The following SLC17A3 variants were observed in gnomAD, a reference collection of about 807,000 sequenced individuals.
SLC17A3 encodes the protein sodium-dependent phosphate transport protein 4.
Under a neutral mutation model 60.3 loss-of-function variants are expected in SLC17A3, and 61 were observed. The observed-to-expected ratio is 1.01, with a 90% CI of 0.82 to 1.25. SLC17A3 has a LOEUF of 1.25. Ranked by LOEUF, SLC17A3 falls within the 50% of genes most tolerant of loss-of-function variation. SLC17A3 has a pLI of 0.00. For synonymous variants in SLC17A3, 192 were observed against 208.9 expected (o/e 0.92, Z 0.70); for missense variants, 624 against 594.9 (o/e 1.05, Z -0.51).
chr6:25,849,814 A>G lies in SLC17A3; in HGVS notation c.1262T>C (p.Ile421Thr). 6.2e-7 allele frequency: 1 copy of G among 1,613,854 alleles called. No homozygotes were observed. The highest frequency in any genetic ancestry group is 1.1e-5 in the South Asian group (1 of 91,062). ...QSGIYINVLD[I>T]APRYSSFLMG... ...GAGATCAGAGTCCTACCTTGGAGCA[A>G]TATCTAAGACATTGATATAAATCCC... The change falls in exon 10 of 13, where the codon ATT becomes ACT. Residue 421 changes from isoleucine to threonine, a missense_variant. Coordinates refer to ENST00000397060, the MANE Select transcript of SLC17A3 (RefSeq NM_001098486.2).
chr6:25,855,236 AAG>A lies in SLC17A3; in HGVS notation c.626-8_626-7del, dbSNP rs1765339820. On this transcript the variant is annotated splice_polypyrimidine_tract_variant and splice_region_variant and intron_variant, in intron 5 of 12. Transcript: ENST00000397060. ...AAAGCATCCCAGTAACATTCCTGCA[AAG>A]AGAGAGAAAGTAAGCTGTGGGACTC... The A allele has an allele frequency of 1.9e-6, 3 of 1,604,030 alleles. No individual in the cohort carries two copies. Among genetic ancestry groups the A allele is most frequent in the African/African-American group, 1.3e-5 (1 of 74,752 alleles).
At chr6:25,859,620 C>T (rs944417905) in intron 5 of SLC17A3, among the ~76,000 whole-genome samples, 2 of 152,206 alleles carry the variant, frequency 1.3e-5, no homozygotes, top group Non-Finnish European at 2.9e-5. Flanking sequence ...GCCAGCAGCA[C>T]TCATCCTTGT....
chr6:25,849,433 C>T lies in SLC17A3; in HGVS notation c.1303G>A (p.Gly435Arg), dbSNP rs1490616983. 2 of 1,612,548 alleles carry T rather than the reference C, an allele frequency of 1.2e-6. No homozygotes were observed. Among genetic ancestry groups the T allele is most frequent in the Non-Finnish European group, 1.7e-6 (2 of 1,178,742 alleles). ...ATGACAGGTGCTATGCTCGAAAATC[C>T]TCTTGATGCTCCCATGAGAAAACTG... ...YSSFLMGASRGFSSIAPVIVP... is the reference protein window; with the variant it reads ...YSSFLMGASRRFSSIAPVIVP... The change falls in exon 11 of 13, where the codon GGA becomes AGA. Residue 435 changes from glycine (G) to arginine (R), a missense_variant. Transcript: ENST00000397060.
chr6:25,863,356 G>C (rs1029306737), intron 2 of SLC17A3, among the ~76,000 whole-genome samples: 3 of 152,018 alleles, frequency 2.0e-5, no homozygotes, highest in African/African-American at 7.2e-5. Context: ...AAGGTATCCT[G>C]GCAGAACACA....
At position 25,868,291 on chromosome 6, in the gene SLC17A3, A is replaced by G. The variant is rs754166294; in HGVS notation, c.91+6T>C. 1 of 1,610,182 alleles carries G rather than the reference A, an allele frequency of 6.2e-7. No homozygotes were observed. Among genetic ancestry groups the G allele is most frequent in the Non-Finnish European group, 8.5e-7 (1 of 1,177,150 alleles). On this transcript the variant is annotated splice_donor_region_variant and intron_variant, in intron 2 of 12. Coordinates refer to ENST00000397060, the MANE Select transcript of SLC17A3 (RefSeq NM_001098486.2). ...CCTAAAACCAAGCAGTTGAGGTCAA[A>G]TTTACCTTTCCTGGGGATCAGTGTC...
At position 25,861,839 on chromosome 6, in the gene SLC17A3, A is replaced by G. The variant is rs375918157; in HGVS notation, c.494T>C (p.Ile165Thr). 6.9e-5 allele frequency: 112 copies of G among 1,613,564 alleles called. No individual in the cohort carries two copies. Among genetic ancestry groups the G allele is most frequent in the Non-Finnish European group, 1.7e-5 (20 of 1,179,706 alleles). Residue 165 changes from isoleucine to threonine, a missense_variant, in exon 4 of 13, where the codon ATA becomes ACA. Transcript: ENST00000397060. ...LCIPLATDFG[I>T]VLLIVTRIVQ... ...TATTCGAGTTACAATGAGCAAGACTATTCCAAAGTCAGTGGCCAGAGGGAT... is the reference window on the plus strand; with the variant it reads ...TATTCGAGTTACAATGAGCAAGACTGTTCCAAAGTCAGTGGCCAGAGGGAT...
intron 2 of SLC17A3, among the ~76,000 whole-genome samples, chr6:25,862,964 A>T (rs1765476955): frequency 6.6e-6 from 1 of 151,678 alleles, no homozygotes; most frequent in South Asian, 2.1e-4. Flanking sequence ...AATATGTATA[A>T]ATTTTATGTA....
chr6:25,849,195 A>G (rs1262989172), intron 11 of SLC17A3, among the ~76,000 whole-genome samples, 179 bp downstream of exon 11: 1 of 152,198 alleles, frequency 6.6e-6, no homozygotes, highest in Non-Finnish European at 1.5e-5. Flanking sequence ...TTTGCTTGAG[A>G]ATGAACCAGG....
At chr6:25,849,534 G>T in intron 10 of SLC17A3, 70 bp from the exon 11 acceptor site, 1 of 928,510 alleles carries the variant, frequency 1.1e-6, no homozygotes, top group Non-Finnish European at 1.8e-6. Context: ...CCTGATCCAT[G>T]TATGAATCTA....
rs760677684 is a variant in SLC17A3, at chr6:25,868,373, T to C, written c.15A>G (p.Thr5=). MATK[T]ELSPTARESK... ...TCTCCCTTGCTGTGGGACTCAACTC[T>C]GTCTTGGTGGCCATTGTGTTTCTCC... Residue 5 remains threonine, a synonymous_variant, in exon 2 of 13, where the codon ACA becomes ACG. Coordinates refer to ENST00000397060, the MANE Select transcript of SLC17A3 (RefSeq NM_001098486.2). 4 of 1,611,998 alleles carry C rather than the reference T, an allele frequency of 2.5e-6. No homozygotes were observed. In the Admixed American group the frequency reaches 6.7e-5, roughly 27 times the overall value.
intron 11 of SLC17A3, among the ~76,000 whole-genome samples, chr6:25,846,943 C>T (rs937001461): frequency 1.3e-5 from 2 of 152,080 alleles, no homozygotes; most frequent in African/African-American, 4.8e-5. Context: ...AACTTTTAGG[C>T]TTAGAGGCAC....
chr6:25,869,865 G>T (rs1189333458), intron 1 of SLC17A3, among the ~76,000 whole-genome samples: 1 of 151,930 alleles, frequency 6.6e-6, no homozygotes, highest in Non-Finnish European at 1.5e-5. Flanking sequence ...TATAAAGTAT[G>T]TACTCACTTT....
intron 6 of SLC17A3, among the ~76,000 whole-genome samples, chr6:25,854,685 T>C (rs1280709788): frequency 6.6e-6 from 1 of 152,292 alleles, no homozygotes; most frequent in East Asian, 1.9e-4. Flanking sequence ...AATGCGGAGG[T>C]TGGCAAAATT....
At chr6:25,865,812 C>A (rs1255538638) in intron 2 of SLC17A3, among the ~76,000 whole-genome samples, 2 of 151,854 alleles carry the variant, frequency 1.3e-5, no homozygotes, top group African/African-American at 4.8e-5. Flanking sequence ...TTTGTGATCA[C>A]CCCTAGCTAT....
rs757833943 is a variant in SLC17A3 at position 25,862,277 on chromosome 6, A to G, written c.259T>C (p.Ser87Pro). The G allele has an allele frequency of 6.2e-7, 1 of 1,613,874 alleles. No individual in the cohort carries two copies. The highest frequency in any genetic ancestry group is 1.1e-5 in the South Asian group (1 of 91,074). Residue 87 changes from serine to proline, a missense_variant, in exon 3 of 13, where the codon TCA becomes CCA. Physicochemically the swap from Ser to Pro is moderately conservative, Grantham distance 74. Coordinates refer to ENST00000397060, the MANE Select transcript of SLC17A3 (RefSeq NM_001098486.2). Reference sequence around the variant, plus strand: ...GGGGCTTTACTTAGGCCACCAAATGAGTCAACAGGCAGCACCTCAGAGGAA... The same window carrying G: ...GGGGCTTTACTTAGGCCACCAAATGGGTCAACAGGCAGCACCTCAGAGGAA... ...NDSSEVLPVDSFGGLSKAPKS... is the reference protein window; with the variant it reads ...NDSSEVLPVDPFGGLSKAPKS...
At chr6:25,856,369 G>T (rs771524079) in intron 5 of SLC17A3, among the ~76,000 whole-genome samples, 2 of 152,120 alleles carry the variant, frequency 1.3e-5, no homozygotes, top group African/African-American at 4.8e-5. Flanking sequence ...CCGAAGAAAT[G>T]GAATGACAGG....
chr6:25,850,509 C>A lies in SLC17A3; in HGVS notation c.943G>T (p.Val315Leu), dbSNP rs1436534866. The A allele has an allele frequency of 1.9e-6, 3 of 1,613,752 alleles. No individual in the cohort carries two copies. In the African/African-American group the frequency reaches 4.0e-5, roughly 22 times the overall value. The part of the protein sequence containing the change: ...SHQWLVSTMV[V>L]YIPTYISSVY... ...GAGCTGATGTAAGTTGGTATGTATACAACCATTGTGCTAACTAACCATTGA... is the reference window on the plus strand; with the variant it reads ...GAGCTGATGTAAGTTGGTATGTATAAAACCATTGTGCTAACTAACCATTGA... Residue 315 changes from valine to leucine, a missense_variant, in exon 8 of 13, where the codon GTA (valine) becomes TTA (leucine). Physicochemically the swap from Val to Leu is conservative, Grantham distance 32. Coordinates refer to ENST00000397060, the MANE Select transcript of SLC17A3 (RefSeq NM_001098486.2).
chr6:25,855,405 C>T (rs1214028221), intron 5 of SLC17A3, among the ~76,000 whole-genome samples, 175 bp from the exon 6 acceptor site: 1 of 152,156 alleles, frequency 6.6e-6, no homozygotes, highest in Non-Finnish European at 1.5e-5. Context: ...ATATGTTCTC[C>T]TGAGAGCACA....
intron 1 of SLC17A3, among the ~76,000 whole-genome samples, chr6:25,871,406 G>A (rs1765638249): frequency 6.7e-6 from 1 of 149,174 alleles, no homozygotes; most frequent in Middle Eastern, 3.5e-3. Context: ...ACCAAACACT[G>A]CATGTTCTCA....
Sources: allele counts gnomAD v4.1 joint callset (sites outside exome capture counted in the v4.1 genomes callset), GRCh38; gene constraint gnomAD v4.1.1; transcripts MANE v1.5; gene names NCBI Gene and HGNC (gene_info 2026-07-23, HGNC 2026-07-21).